The following SLX9 variants were observed in gnomAD, a reference collection of about 807,000 sequenced individuals.
SLX9 encodes SLX9 ribosome biogenesis factor.
A neutral mutation model predicts 20.8 loss-of-function variants in SLX9; 19 were observed. The observed-to-expected ratio is 0.91, with a 90% CI of 0.64 to 1.34. The LOEUF is 1.34. SLX9 is among the 40% of genes most tolerant of loss of function. The pLI, the probability that SLX9 is intolerant of heterozygous loss-of-function variation, is 0.00. For synonymous variants in SLX9, 113 were observed against 137.1 expected (o/e 0.82, Z 1.23); for missense variants, 299 against 322.2 (o/e 0.93, Z 0.55).
intron 4 of SLX9, chr21:44,972,948 G>A (rs536268665): frequency 8.6e-6 from 5 of 579,342 alleles, no homozygotes; most frequent in East Asian, 2.8e-5. Context: ...TGGGGCCCGC[G>A]GTCACAGGAC....
At chr21:44,948,006 G>T (rs572209478) in intron 2 of SLX9, among the ~76,000 whole-genome samples, 1 of 152,322 alleles carries the variant, frequency 6.6e-6, no homozygotes, top group African/African-American at 2.4e-5. Context: ...CTCCCCCAAC[G>T]CAGTGCCACC....
At chr21:44,949,338 C>G (rs2084709554) in intron 2 of SLX9, among the ~76,000 whole-genome samples, 1 of 151,972 alleles carries the variant, frequency 6.6e-6, no homozygotes, top group Admixed American at 6.5e-5. Context: ...TCAGGAGTGT[C>G]GGGCCTGGCA....
chr21:44,953,404 C>A lies in SLX9; in HGVS notation c.284-6696C>A, dbSNP rs2084794854. On this transcript the variant is annotated intron_variant, in intron 2 of 5. Coordinates refer to ENST00000291634, the MANE Select transcript of SLX9 (RefSeq NM_058190.4). ...TGGCTGTACCTCCCAGAGCAGGACG[C>A]CTCTAGGTGAGCAGCACAGCCACTC... is the stretch of plus-strand genomic sequence containing the variant. 2.6e-5 allele frequency among the ~76,000 whole-genome samples: 4 copies of A among 152,160 alleles called. No homozygotes were observed. In the South Asian group the frequency reaches 8.3e-4, roughly 32 times the overall value.
At chr21:44,973,314 CACCCT>C in intron 5 of SLX9, 49 bp downstream of exon 5, 1 of 1,589,152 alleles carries the variant, frequency 6.3e-7, no homozygotes, top group African/African-American at 1.3e-5. Flanking sequence ...TGAGTGCCCT[CACCCT>C]GCCCACCCTC....
intron 4 of SLX9, among the ~76,000 whole-genome samples, chr21:44,970,115 G>C (rs1281230655): frequency 6.6e-6 from 1 of 152,196 alleles, no homozygotes; most frequent in African/African-American, 2.4e-5. Context: ...CCTCCATGCT[G>C]TCCGCTTTGG....
intron 2 of SLX9, among the ~76,000 whole-genome samples, chr21:44,949,831 C>G (rs1191016067): frequency 1.3e-5 from 2 of 152,196 alleles, no homozygotes; most frequent in Non-Finnish European, 2.9e-5. Flanking sequence ...GTGATTGTAC[C>G]TGCTTAGACC....
At chr21:44,951,169 C>T (rs906591817) in intron 2 of SLX9, among the ~76,000 whole-genome samples, 1 of 152,144 alleles carries the variant, frequency 6.6e-6, no homozygotes, top group Non-Finnish European at 1.5e-5. Flanking sequence ...GCCTGTGTCT[C>T]ATGGCCTGGC....
chr21:44,971,939 C>G (rs944349584), intron 4 of SLX9, among the ~76,000 whole-genome samples: 2 of 152,250 alleles, frequency 1.3e-5, no homozygotes, highest in African/African-American at 4.8e-5. Flanking sequence ...ACGGGAGATG[C>G]GAGGGGCTGT....
Position 44,943,691 on chromosome 21 carries a change from C to G in SLX9, c.137C>G (p.Ala46Gly). 1 of 1,614,024 alleles carries G rather than the reference C, an allele frequency of 6.2e-7. No individual in the cohort carries two copies. Among genetic ancestry groups the G allele is most frequent in the Non-Finnish European group, 8.5e-7 (1 of 1,179,924 alleles). ...TTTTGTTGGGGACATTAGGACTGGG[C>G]GTTCATCAACACCAACATCTTTGCC... is the stretch of plus-strand genomic sequence containing the variant. ...PPASAAGKDW[A>G]FINTNIFART... The change falls in exon 2 of 6, where the codon GCG (alanine) becomes GGG (glycine). Residue 46 changes from alanine to glycine, a missense_variant. Transcript: ENST00000291634.
chr21:44,946,679 G>T (rs1257134942), intron 2 of SLX9, among the ~76,000 whole-genome samples: 2 of 152,232 alleles, frequency 1.3e-5, no homozygotes, highest in African/African-American at 2.4e-5. Flanking sequence ...GCTCATCGCC[G>T]CGGGCCCCCA....
At chr21:44,973,037 C>T (rs1050490800) in intron 4 of SLX9, 160 bp from the exon 5 acceptor site, 14 of 225,508 alleles carry the variant, frequency 6.2e-5, no homozygotes, top group African/African-American at 3.5e-4. Context: ...GTCTCGCCTC[C>T]ATGGCCACAG....
Position 44,967,025 on chromosome 21 carries a change from C to G in SLX9, c.353-9C>G, listed in dbSNP as rs1230755553. On this transcript the variant is annotated splice_polypyrimidine_tract_variant and intron_variant, in intron 3 of 5. Coordinates refer to ENST00000291634, the MANE Select transcript of SLX9 (RefSeq NM_058190.4). ...TTGTTTGCCTCTAACGTCGTTTCTC[C>G]TTCCTTAGAAATCGAAGCCATAAAA... 1.9e-6 allele frequency: 3 copies of G among 1,606,388 alleles called. No individual in the cohort carries two copies. Among genetic ancestry groups the G allele is most frequent in the Non-Finnish European group, 2.5e-6 (3 of 1,177,286 alleles).
intron 2 of SLX9, among the ~76,000 whole-genome samples, chr21:44,954,713 T>C (rs2084823420): frequency 6.6e-6 from 1 of 152,144 alleles, no homozygotes; most frequent in African/African-American, 2.4e-5. Context: ...TGGCTGTGAC[T>C]GCTCTTCTCT....
At chr21:44,969,830 G>T (rs1568945429) in intron 4 of SLX9, among the ~76,000 whole-genome samples, 1 of 152,192 alleles carries the variant, frequency 6.6e-6, no homozygotes, top group Non-Finnish European at 1.5e-5. Context: ...ATCCGTACAG[G>T]ATCCCACGTG....
intron 2 of SLX9, 76 bp from the exon 3 acceptor site, chr21:44,960,024 C>A: frequency 1.5e-6 from 2 of 1,342,288 alleles, no homozygotes; most frequent in Non-Finnish European, 1.1e-6. Context: ...CAGTCAGGAC[C>A]CGCCCCAGCC....
chr21:44,939,971 C>A (rs376327295), upstream of SLX9: 10 of 1,321,000 alleles, frequency 7.6e-6, 1 homozygote, highest in East Asian at 3.2e-4. Flanking sequence ...CTCCCGGCAG[C>A]CGCGGCTCCT....
At chr21:44,966,803 C>T (rs1057031217) in intron 3 of SLX9, among the ~76,000 whole-genome samples, 3 of 152,274 alleles carry the variant, frequency 2.0e-5, no homozygotes, top group African/African-American at 7.2e-5. Context: ...GCTGCAGTTC[C>T]ACCTCATTGT....
chr21:44,943,659 C>T lies in SLX9; in HGVS notation c.130-25C>T, dbSNP rs567793966. 133 of 1,610,606 alleles carry T rather than the reference C, an allele frequency of 8.3e-5. No individual in the cohort carries two copies. The South Asian group carries it at 1.4e-3, about 16-fold the overall frequency. On this transcript the variant is annotated intron_variant, in intron 1 of 5. Transcript: ENST00000291634. ...GAGCAAGTCTCACACCTCTTCTTTTCGTCCGTTTTTGTTGGGGACATTAGG... is the reference window on the plus strand; with the variant it reads ...GAGCAAGTCTCACACCTCTTCTTTTTGTCCGTTTTTGTTGGGGACATTAGG...
At chr21:44,944,043 G>A (rs767815829) in intron 2 of SLX9, among the ~76,000 whole-genome samples, 6 of 152,238 alleles carry the variant, frequency 3.9e-5, no homozygotes, top group Non-Finnish European at 8.8e-5. Flanking sequence ...TGTCTCCGCA[G>A]CTCTGCAAGA....
Sources: allele counts gnomAD v4.1 joint callset (sites outside exome capture counted in the v4.1 genomes callset), GRCh38; gene constraint gnomAD v4.1.1; transcripts MANE v1.5; gene names NCBI Gene and HGNC (gene_info 2026-07-23, HGNC 2026-07-21).